Variants in DACH2 observed in about 807,000 individuals in gnomAD.
DACH2 encodes dachshund homolog 2.
Under a neutral mutation model 35.8 loss-of-function variants are expected in DACH2, and 17 were observed. The ratio of observed to expected loss-of-function variants is 0.48; its 90% CI spans 0.33 to 0.71. The LOEUF (loss-of-function observed/expected upper bound fraction) is 0.71. Among genes scored for constraint, DACH2 ranks in the 30% least tolerant of loss-of-function variants. The probability of loss-of-function intolerance (pLI) is 0.02; values close to 1 mark genes in which losing one functional copy is unlikely to be tolerated. For missense variants in DACH2, 469 were observed against 472.7 expected (o/e 0.99, Z 0.07); for synonymous variants, 195 against 177.3 (o/e 1.10, Z -0.79).
chrX:86,365,586 G>T (rs2035796090), intron 1 of DACH2, among the ~76,000 whole-genome samples: 1 of 111,573 alleles, frequency 9.0e-6, no homozygotes, highest in Admixed American at 9.6e-5. Context: ...TAACAAAAAT[G>T]TAGATTAATT....
At chrX:86,404,654 C>T (rs189358371) in intron 2 of DACH2, among the ~76,000 whole-genome samples, 14 of 111,619 alleles carry the variant, frequency 1.3e-4, no homozygotes, top group South Asian at 3.8e-4. Flanking sequence ...TCCAGGTGCA[C>T]GATGCAAGCT....
At chrX:86,523,993 T>A (rs989358442) in intron 3 of DACH2, among the ~76,000 whole-genome samples, 2 of 112,243 alleles carry the variant, frequency 1.8e-5, no homozygotes, top group African/African-American at 6.5e-5. Context: ...TGGACTAGTT[T>A]GAAGGAGGAA....
At chrX:86,517,726 G>A (rs921161932) in intron 3 of DACH2, among the ~76,000 whole-genome samples, 6 of 111,142 alleles carry the variant, frequency 5.4e-5, no homozygotes, top group Admixed American at 2.9e-4. Flanking sequence ...CCCTTTGCCC[G>A]CTTTTTAATG....
intron 2 of DACH2, among the ~76,000 whole-genome samples, chrX:86,454,293 C>T (rs753300140): frequency 1.8e-5 from 2 of 110,951 alleles, no homozygotes; most frequent in African/African-American, 3.3e-5. Context: ...CCTGGGTTTC[C>T]CACAGTTCCT....
chrX:86,681,229 T>G (rs1391770217), intron 4 of DACH2, among the ~76,000 whole-genome samples: 1 of 111,664 alleles, frequency 9.0e-6, no homozygotes, highest in Non-Finnish European at 1.9e-5. Flanking sequence ...TCCTAATGCT[T>G]GTCTAGCACA....
chrX:86,556,577 T>C (rs2039121750), intron 3 of DACH2, among the ~76,000 whole-genome samples: 1 of 107,799 alleles, frequency 9.3e-6, no homozygotes, highest in Admixed American at 1.0e-4. Flanking sequence ...ATGAGCTGTT[T>C]CTAGTCCTTG....
At chrX:86,429,666 T>C (rs1389476154) in intron 2 of DACH2, among the ~76,000 whole-genome samples, 1 of 110,179 alleles carries the variant, frequency 9.1e-6, no homozygotes, top group African/African-American at 3.3e-5. Context: ...GTTCAAGTCA[T>C]TCTGTTGCCT....
chrX:86,633,910 G>T (rs911364323), intron 3 of DACH2, among the ~76,000 whole-genome samples: 1 of 112,148 alleles, frequency 8.9e-6, no homozygotes, highest in African/African-American at 3.2e-5. Flanking sequence ...AAACGCATTT[G>T]ATAAAATTCA....
At chrX:86,460,845 TA>T (rs961236539) in intron 2 of DACH2, among the ~76,000 whole-genome samples, 2 of 110,063 alleles carry the variant, frequency 1.8e-5, no homozygotes, top group African/African-American at 6.6e-5. Flanking sequence ...TATGTAAAAT[TA>T]AAAAAAAGTG....
chrX:86,289,882 A>G (rs2034239963), intron 1 of DACH2, among the ~76,000 whole-genome samples: 1 of 108,936 alleles, frequency 9.2e-6, no homozygotes, highest in Non-Finnish European at 1.9e-5. Flanking sequence ...CAATAAACAT[A>G]CGTGTGCATG....
At chrX:86,222,705 A>G (rs1287272760) in intron 1 of DACH2, among the ~76,000 whole-genome samples, 1 of 110,947 alleles carries the variant, frequency 9.0e-6, no homozygotes, top group Non-Finnish European at 1.9e-5. Context: ...AGGGTGCTAA[A>G]AGGAAACTTA....
At chrX:86,181,562 C>T (rs1307251068) in intron 1 of DACH2, among the ~76,000 whole-genome samples, 2 of 111,694 alleles carry the variant, frequency 1.8e-5, no homozygotes, top group Non-Finnish European at 3.8e-5. Context: ...ATATGTGCCA[C>T]ATTTTCTTTA....
intron 1 of DACH2, among the ~76,000 whole-genome samples, chrX:86,235,923 C>T (rs965518323): frequency 1.3e-4 from 14 of 111,477 alleles, no homozygotes; most frequent in African/African-American, 4.2e-4. Context: ...TACCTGAGGT[C>T]AGGAGCTCGA....
At chrX:86,193,713 A>G (rs2031895019) in intron 1 of DACH2, among the ~76,000 whole-genome samples, 1 of 110,773 alleles carries the variant, frequency 9.0e-6, no homozygotes, top group Non-Finnish European at 1.9e-5. Context: ...AAACTTCACC[A>G]AAACAAAAAG....
At chrX:86,285,475 T>C (rs1470276542) in intron 1 of DACH2, among the ~76,000 whole-genome samples, 1 of 112,178 alleles carries the variant, frequency 8.9e-6, no homozygotes. Context: ...ATTTATATAG[T>C]TTCCAAAATT....
chrX:86,189,974 G>C (rs1259246103), intron 1 of DACH2, among the ~76,000 whole-genome samples: 1 of 109,407 alleles, frequency 9.1e-6, no homozygotes, highest in Non-Finnish European at 1.9e-5. Context: ...GACCAGCCTG[G>C]CCAACATGGT....
chrX:86,557,862 TAAACA>T (rs1408057632), intron 3 of DACH2, among the ~76,000 whole-genome samples: 4 of 7,945 alleles, frequency 5.0e-4, no homozygotes, highest in African/African-American at 2.6e-3. Flanking sequence ...GTTTTCTAGA[TAAACA>T]ATCATGTCGT....
intron 2 of DACH2, among the ~76,000 whole-genome samples, chrX:86,463,890 A>T (rs1254967501): frequency 8.9e-6 from 1 of 111,979 alleles, no homozygotes; most frequent in Non-Finnish European, 1.9e-5. Context: ...TCAAAAGAAG[A>T]CAATTATGCG....
At chrX:86,456,624 A>T (rs886133170) in intron 2 of DACH2, among the ~76,000 whole-genome samples, 1 of 111,395 alleles carries the variant, frequency 9.0e-6, no homozygotes, top group African/African-American at 3.3e-5. Context: ...AGTACAGAAA[A>T]TTTTTAAAAA....
Sources: allele counts gnomAD v4.1 joint callset (sites outside exome capture counted in the v4.1 genomes callset), GRCh38; gene constraint gnomAD v4.1.1; transcripts MANE v1.5; gene names NCBI Gene and HGNC (gene_info 2026-07-23, HGNC 2026-07-21).